Variants in C14orf93 observed in about 807,000 individuals in gnomAD.
The protein encoded by C14orf93 is chromosome 14 open reading frame 93, also known as uncharacterized protein C14orf93.
In C14orf93, 23 loss-of-function variants were observed where a neutral mutation model predicts 44.0. The ratio of observed to expected loss-of-function variants is 0.52; its 90% CI spans 0.38 to 0.74. The LOEUF (loss-of-function observed/expected upper bound fraction) is 0.74, where lower values mean the gene tolerates loss of function less well. C14orf93 is among the 30% of genes least tolerant of loss of function. The pLI is 0.00. For missense variants in C14orf93, 579 were observed against 678.9 expected (o/e 0.85, Z 1.64); for synonymous variants, 253 against 265.7 (o/e 0.95, Z 0.46).
intron 2 of C14orf93, 127 bp downstream of exon 2, chr14:22,998,300 G>C (rs2046112219): frequency 7.9e-7 from 1 of 1,266,982 alleles, no homozygotes. Flanking sequence ...AGGAAACGTG[G>C]TACTGTTTTG....
Position 22,987,872 on chromosome 14 carries a change from A to C in C14orf93, c.1197+31T>G, listed in dbSNP as rs776935863. On this transcript the variant is annotated intron_variant, in intron 6 of 6. Coordinates refer to ENST00000299088, the MANE Select transcript of C14orf93 (RefSeq NM_021944.4). This position sits in a 1 kb window ranked among gnomAD's most constrained non-coding sequence, Gnocchi z 5.6. ...CCACTTAGGAAAGGGTTTAGAGTTT[A>C]GTATCTTGAAAGAAAGGCCTAGAAA... is the stretch of plus-strand genomic sequence containing the variant. 6.5e-7 allele frequency: 1 copy of C among 1,541,114 alleles called. No homozygotes were observed. The highest frequency in any genetic ancestry group is 9.0e-7 in the Non-Finnish European group (1 of 1,115,002).
chr14:22,992,690 T>C (rs1013319084), intron 3 of C14orf93, among the ~76,000 whole-genome samples: 1 of 150,842 alleles, frequency 6.6e-6, no homozygotes, highest in African/African-American at 2.4e-5. Flanking sequence ...TTCAAGCAAT[T>C]CTCCTGGCTC....
At chr14:23,008,923 T>C (rs1306326897) in intron 1 of C14orf93, among the ~76,000 whole-genome samples, 1 of 152,254 alleles carries the variant, frequency 6.6e-6, no homozygotes, top group Non-Finnish European at 1.5e-5. Flanking sequence ...TTTTTCCTGA[T>C]ACTTTGCCAG....
intron 1 of C14orf93, among the ~76,000 whole-genome samples, chr14:23,004,471 A>G (rs575254944): frequency 6.6e-6 from 1 of 152,080 alleles, no homozygotes; most frequent in South Asian, 2.1e-4. Context: ...AAAGTTTTTT[A>G]TATGTAAGTC....
rs572049820 is a variant in C14orf93 at position 23,008,271 on chromosome 14, G to A, written c.-380+1830C>T. Among the ~76,000 whole-genome samples, 23 of 151,634 alleles carry A rather than the reference G, an allele frequency of 1.5e-4. No individual in the cohort carries two copies. In the South Asian group the frequency reaches 3.1e-3, roughly 21 times the overall value. Reference sequence around the variant, plus strand: ...TGAAATTGTGGAATAATCCACAGTCGAGCCAGTATTTATTAAGCACTGGTC... The same window carrying A: ...TGAAATTGTGGAATAATCCACAGTCAAGCCAGTATTTATTAAGCACTGGTC... On this transcript the variant is annotated intron_variant, in intron 1 of 6. Coordinates refer to ENST00000299088, the MANE Select transcript of C14orf93 (RefSeq NM_021944.4).
rs1362569109 is a variant in C14orf93 at position 22,996,977 on chromosome 14, GCACACGCACACACACACACA to G, written c.598-729_598-710del. ...AAATACTGAAAGTGGGGACACACAC[GCACACGCACACACACACACA>G]CACACACACACACAGAAAGATGCGG... On this transcript the variant is annotated intron_variant, in intron 2 of 6. Transcript: ENST00000299088. The surrounding 1 kb of genome is among the most constrained non-coding windows in gnomAD (Gnocchi z 4.1). Among the ~76,000 whole-genome samples the G allele has an allele frequency of 3.4e-5, 5 of 149,236 alleles. No homozygotes were observed. The highest frequency in any genetic ancestry group is 1.0e-4 in the African/African-American group (4 of 39,086).
intron 3 of C14orf93, among the ~76,000 whole-genome samples, chr14:22,995,030 T>C (rs1046496604): frequency 6.6e-6 from 1 of 152,166 alleles, no homozygotes; most frequent in Non-Finnish European, 1.5e-5. Flanking sequence ...GCCCTAGAAC[T>C]TCTCTAGGTT....
chr14:23,005,591 T>TA (rs1262571948), intron 1 of C14orf93: 2 of 152,162 alleles, frequency 1.3e-5, no homozygotes, highest in Non-Finnish European at 2.9e-5. Context: ...TGACTAGGTC[T>TA]AAAAAAGAGA....
intron 1 of C14orf93, chr14:23,006,066 C>T (rs1243397329): frequency 6.6e-6 from 1 of 152,166 alleles, no homozygotes; most frequent in Non-Finnish European, 1.5e-5. Flanking sequence ...GTGCTTGACT[C>T]ATTCAGGGTC....
intron 3 of C14orf93, among the ~76,000 whole-genome samples, chr14:22,995,652 C>G (rs2045924616): frequency 7.1e-6 from 1 of 141,424 alleles, no homozygotes; most frequent in Non-Finnish European, 1.5e-5. Flanking sequence ...TGCACTGCAG[C>G]CTGGGTGACA....
chr14:22,996,007 A>G lies in C14orf93; in HGVS notation c.859T>C (p.Cys287Arg). The G allele has an allele frequency of 6.2e-7, 1 of 1,612,954 alleles. No individual in the cohort carries two copies. Among genetic ancestry groups the G allele is most frequent in the Non-Finnish European group, 8.5e-7 (1 of 1,179,164 alleles). Residue 287 changes from cysteine (C) to arginine (R), a missense_variant, in exon 3 of 7, where the codon TGC (cysteine) becomes CGC (arginine). By Grantham distance (180) the Cys-to-Arg change is radical. Coordinates refer to ENST00000299088, the MANE Select transcript of C14orf93 (RefSeq NM_021944.4). The surrounding 1 kb of genome is among the most constrained non-coding windows in gnomAD (Gnocchi z 4.1). ...TTCTGCCCACTTCCTCTGGTCCTGC[A>G]TGGGGAAACGGTCAGCCCTAGAGAG... ...RHSLGLTVSP[C>R]RTRGSGQKNS...
intron 1 of C14orf93, chr14:23,006,040 T>C (rs2046606437): frequency 6.6e-6 from 1 of 152,240 alleles, no homozygotes; most frequent in Non-Finnish European, 1.5e-5. Flanking sequence ...TCAGATGATA[T>C]ATGTTTTTAT....
In C14orf93 at chr14:22,996,983, G is replaced by GCGCACA. The variant is rs1209760930; in HGVS notation, c.598-716_598-715insTGTGCG. ...TGAAAGTGGGGACACACACGCACACGCACACACACACACACACACACACAC... is the reference window on the plus strand; with the variant it reads ...TGAAAGTGGGGACACACACGCACACGCGCACACACACACACACACACACACACACAC... On this transcript the variant is annotated intron_variant, in intron 2 of 6. Transcript: ENST00000299088. This position sits in a 1 kb window ranked among gnomAD's most constrained non-coding sequence, Gnocchi z 4.1. Among the ~76,000 whole-genome samples, 2 of 62,534 alleles carry GCGCACA rather than the reference G, an allele frequency of 3.2e-5. No individual in the cohort carries two copies. The highest frequency in any genetic ancestry group is 4.3e-4 in the South Asian group (1 of 2,348). The allele number at this position is 62,534 out of a possible 152,430, so 41.0% of individuals were successfully genotyped here.
chr14:22,987,746 G>A lies in C14orf93; in HGVS notation c.1198-112C>T, dbSNP rs2045316372. 3 of 1,274,498 alleles carry A rather than the reference G, an allele frequency of 2.4e-6. No individual in the cohort carries two copies. Among genetic ancestry groups the A allele is most frequent in the African/African-American group, 1.5e-5 (1 of 66,964 alleles). The allele number at this position is 1,274,498 out of a possible 1,614,324, so 78.9% of individuals were successfully genotyped here. A position where few individuals can be genotyped will look rare whatever the true frequency, so the allele number is the denominator to read the frequency against. On this transcript the variant is annotated intron_variant, in intron 6 of 6. Coordinates refer to ENST00000299088, the MANE Select transcript of C14orf93 (RefSeq NM_021944.4). The surrounding 1 kb of genome is among the most constrained non-coding windows in gnomAD (Gnocchi z 5.6). ...TAAAATCTGTGCCTAAGTGAACCCAGTCCCCAAGTCAGATCTTAGCATTGG... is the reference window on the plus strand; with the variant it reads ...TAAAATCTGTGCCTAAGTGAACCCAATCCCCAAGTCAGATCTTAGCATTGG...
At chr14:23,003,439 G>A (rs772784059) in intron 1 of C14orf93, among the ~76,000 whole-genome samples, 27 of 152,132 alleles carry the variant, frequency 1.8e-4, no homozygotes, top group Non-Finnish European at 2.9e-4. Flanking sequence ...CTTAAGTGCT[G>A]GATAAATGAC....
chr14:23,000,875 A>T (rs2046257819), intron 1 of C14orf93: 1 of 152,196 alleles, frequency 6.6e-6, no homozygotes, highest in Non-Finnish European at 1.5e-5. Context: ...TTTTAATTAC[A>T]TGTGGTTATT....
At chr14:23,008,169 A>C (rs906731874) in intron 1 of C14orf93, among the ~76,000 whole-genome samples, 12 of 132,414 alleles carry the variant, frequency 9.1e-5, no homozygotes, top group South Asian at 2.3e-4. Flanking sequence ...AAAAAAAAAA[A>C]AAAAAAAAAA....
intron 2 of C14orf93, among the ~76,000 whole-genome samples, chr14:22,997,837 G>A (rs1405302326): frequency 6.6e-6 from 1 of 150,828 alleles, no homozygotes; most frequent in Non-Finnish European, 1.5e-5. Flanking sequence ...TCTCTCTCCC[G>A]TGGTGTAGAT....
intron 5 of C14orf93, 42 bp downstream of exon 5, chr14:22,989,700 G>A (rs781453808): frequency 6.9e-6 from 9 of 1,309,014 alleles, no homozygotes; most frequent in South Asian, 4.7e-5. Context: ...GGGAGGAGAG[G>A]GGGAGAAAGG....
Sources: gnomAD v4.1 joint callset for allele counts (sites outside exome capture counted in the v4.1 genomes callset) on GRCh38, gnomAD v4.1.1 for gene constraint, Gnocchi (gnomAD v3.1) non-coding constraint, MANE v1.5 for transcripts, NCBI Gene and HGNC (gene_info 2026-07-23, HGNC 2026-07-21) for gene names.